The following EIF4G3 variants were observed in gnomAD, a reference collection of about 807,000 sequenced individuals.
The protein encoded by EIF4G3 is eukaryotic translation initiation factor 4 gamma 3, also known as eIF-4-gamma 3.
In EIF4G3, 34 loss-of-function variants were observed where a neutral mutation model predicts 186.4. That is an observed-to-expected ratio of 0.18 (90% CI 0.14 to 0.24). The LOEUF (loss-of-function observed/expected upper bound fraction) is 0.24. Among genes scored for constraint, EIF4G3 ranks in the 10% least tolerant of loss-of-function variants. The pLI is 1.00. For missense variants in EIF4G3, 1,536 were observed against 1,948.5 expected (o/e 0.79, Z 3.99); for synonymous variants, 673 against 679.5 (o/e 0.99, Z 0.15).
chr1:20,913,319 A>G (rs778995761), intron 14 of EIF4G3, among the ~76,000 whole-genome samples: 2 of 152,164 alleles, frequency 1.3e-5, no homozygotes, highest in African/African-American at 2.4e-5. Flanking sequence ...GAATTGCTTG[A>G]GGCCAGGAGT....
At chr1:21,163,875 G>A (rs1047622574) in intron 2 of EIF4G3, among the ~76,000 whole-genome samples, 6 of 152,074 alleles carry the variant, frequency 3.9e-5, no homozygotes, top group Admixed American at 1.3e-4. Flanking sequence ...GAGTTCAAGC[G>A]ATTCTCCTGC....
intron 24 of EIF4G3, among the ~76,000 whole-genome samples, chr1:20,858,928 G>A (rs1006975392): frequency 3.9e-5 from 6 of 152,294 alleles, no homozygotes; most frequent in Admixed American, 6.5e-5. Context: ...TCCGGGAGGC[G>A]GAGGTTGCAG....
chr1:21,162,448 T>TAA (rs149741247), intron 2 of EIF4G3, among the ~76,000 whole-genome samples: 3,842 of 125,138 alleles, frequency 0.031, 119 homozygotes, highest in East Asian at 0.15. Context: ...GACATCATCT[T>TAA]AAAAAAAAAA....
chr1:20,973,674 G>C (rs1235257238), intron 10 of EIF4G3, among the ~76,000 whole-genome samples: 1 of 152,152 alleles, frequency 6.6e-6, no homozygotes, highest in Non-Finnish European at 1.5e-5. Context: ...TTAGAATCCA[G>C]GTTCCAAATT....
At chr1:21,135,078 A>G (rs1346536848) in intron 2 of EIF4G3, among the ~76,000 whole-genome samples, 1 of 152,244 alleles carries the variant, frequency 6.6e-6, no homozygotes, top group Middle Eastern at 3.2e-3. Flanking sequence ...CACATACACT[A>G]AATTTACACA....
intron 7 of EIF4G3, among the ~76,000 whole-genome samples, chr1:20,984,355 G>A (rs113543009): frequency 0.029 from 4,416 of 151,330 alleles, 208 homozygotes; most frequent in African/African-American, 0.099. Flanking sequence ...TAGTAGAGAC[G>A]GGGTTTCACC....
At chr1:20,820,458 G>A (rs2062055413) in intron 33 of EIF4G3, among the ~76,000 whole-genome samples, 1 of 152,182 alleles carries the variant, frequency 6.6e-6, no homozygotes, top group Admixed American at 6.5e-5. Context: ...AGTGGGGTTG[G>A]GACCAAGCCC....
At chr1:21,068,388 A>AAAAAAAAAAAAAC (rs1557804501) in intron 3 of EIF4G3, among the ~76,000 whole-genome samples, 2 of 141,118 alleles carry the variant, frequency 1.4e-5, no homozygotes, top group Non-Finnish European at 3.0e-5. Context: ...AAAAAAAAAA[A>AAAAAAAAAAAAAC]AAAAAAAAAA....
chr1:21,088,906 T>C (rs1177519663), intron 3 of EIF4G3, among the ~76,000 whole-genome samples: 2 of 151,990 alleles, frequency 1.3e-5, no homozygotes, highest in African/African-American at 4.8e-5. Context: ...CAGAGGTGAA[T>C]ATTTACAGAA....
At chr1:21,136,466 G>A (rs1233037188) in intron 2 of EIF4G3, among the ~76,000 whole-genome samples, 2 of 151,462 alleles carry the variant, frequency 1.3e-5, no homozygotes, top group South Asian at 4.2e-4. Flanking sequence ...GCAGTGAGCC[G>A]AGATCGCACC....
intron 12 of EIF4G3, among the ~76,000 whole-genome samples, chr1:20,962,925 T>G (rs936767975): frequency 6.0e-5 from 9 of 151,078 alleles, no homozygotes; most frequent in South Asian, 4.2e-4. Context: ...TTTTGTTTTT[T>G]TTTTTTTTGA....
chr1:20,824,694 T>C (rs911787458), intron 33 of EIF4G3, among the ~76,000 whole-genome samples: 2 of 152,186 alleles, frequency 1.3e-5, no homozygotes, highest in African/African-American at 4.8e-5. Flanking sequence ...ACCTGTGTAG[T>C]TTCAAGCTAT....
chr1:20,814,762 TC>T (rs1557737970), intron 34 of EIF4G3, among the ~76,000 whole-genome samples: 1 of 15,236 alleles, frequency 6.6e-5, no homozygotes, highest in Non-Finnish European at 1.2e-4. Context: ...CCCCTCCCCC[TC>T]CCCCTCCCCC....
chr1:21,005,180 ATTCTGGC>A (rs1232174070), intron 4 of EIF4G3, among the ~76,000 whole-genome samples: 1 of 152,328 alleles, frequency 6.6e-6, no homozygotes, highest in East Asian at 1.9e-4. Context: ...TTTCTTATTA[ATTCTGGC>A]TCCACTGAGA....
At chr1:20,968,220 C>G (rs955201620) in intron 12 of EIF4G3, among the ~76,000 whole-genome samples, 1 of 151,378 alleles carries the variant, frequency 6.6e-6, no homozygotes, top group African/African-American at 2.4e-5. Context: ...CTCTATTGCC[C>G]AGGCTGGTGA....
chr1:20,922,791 T>C (rs958461102), intron 14 of EIF4G3, among the ~76,000 whole-genome samples: 3 of 152,102 alleles, frequency 2.0e-5, no homozygotes, highest in Admixed American at 6.5e-5. Context: ...CTAAGAATAA[T>C]TATTAGGGTT....
chr1:20,860,330 A>G (rs555716886), intron 24 of EIF4G3, 55 bp downstream of exon 24: 1 of 1,601,120 alleles, frequency 6.2e-7, no homozygotes, highest in East Asian at 2.2e-5. Context: ...ATAATTCTTA[A>G]TATGTATTCC....
intron 11 of EIF4G3, among the ~76,000 whole-genome samples, chr1:20,972,591 C>T (rs538945322): frequency 1.3e-5 from 2 of 151,820 alleles, no homozygotes; most frequent in African/African-American, 4.8e-5. Flanking sequence ...GCTGAGATCG[C>T]GCCACTGCAC....
intron 30 of EIF4G3, among the ~76,000 whole-genome samples, chr1:20,840,442 T>C (rs2068202682): frequency 2.6e-5 from 4 of 152,222 alleles, no homozygotes. Flanking sequence ...ACAATAACCA[T>C]GGTTTATTGA....
Sources: gnomAD v4.1 joint callset for allele counts (sites outside exome capture counted in the v4.1 genomes callset) on GRCh38, gnomAD v4.1.1 for gene constraint, MANE v1.5 for transcripts, NCBI Gene and HGNC (gene_info 2026-07-23, HGNC 2026-07-21) for gene names.